LHFPL3: variants seen among roughly 807,000 people sequenced by gnomAD.
LHFPL3 encodes the protein LHFPL tetraspan subfamily member 3 protein.
LHFPL3 carries 5 observed loss-of-function variants against 19.3 expected under a neutral mutation model. That is an observed-to-expected ratio of 0.26 (90% CI 0.14 to 0.54). The LOEUF is 0.54. Ranked by LOEUF, LHFPL3 falls within the 20% of genes least tolerant of loss-of-function variation. LHFPL3 has a pLI of 0.94. For synonymous variants in LHFPL3, 133 were observed against 126.2 expected, an observed-to-expected ratio of 1.05 and a Z score of -0.36; for missense variants, 249 against 307.4, an observed-to-expected ratio of 0.81 and a Z score of 1.42.
At chr7:104,551,124 C>T (rs1794655715) in intron 1 of LHFPL3, among the ~76,000 whole-genome samples, 1 of 151,760 alleles carries the variant, frequency 6.6e-6, no homozygotes, top group African/African-American at 2.4e-5. Context: ...TGTACACACA[C>T]ACACACACAC....
intron 1 of LHFPL3, among the ~76,000 whole-genome samples, chr7:104,655,158 C>T (rs1792099415): frequency 6.6e-6 from 1 of 152,092 alleles, no homozygotes; most frequent in South Asian, 2.1e-4. Context: ...CTATGTTTTC[C>T]CTTGCAGTTT....
intron 1 of LHFPL3, among the ~76,000 whole-genome samples, chr7:104,504,931 G>T (rs772619607): frequency 2.6e-5 from 4 of 152,212 alleles, no homozygotes; most frequent in Non-Finnish European, 4.4e-5. Context: ...CTGGCCTGAT[G>T]AAATTTTTTT....
At chr7:104,815,611 G>C (rs764125575) in intron 2 of LHFPL3, among the ~76,000 whole-genome samples, 12 of 152,204 alleles carry the variant, frequency 7.9e-5, no homozygotes, top group Non-Finnish European at 1.5e-4. Flanking sequence ...AAGGGACAAA[G>C]AATTCTTCCA....
intron 1 of LHFPL3, among the ~76,000 whole-genome samples, chr7:104,333,469 A>G (rs945569086): frequency 6.6e-6 from 1 of 152,192 alleles, no homozygotes; most frequent in Non-Finnish European, 1.5e-5. Context: ...CCTCATCTGT[A>G]TCATTCTGAG....
In LHFPL3 at chr7:104,786,141, G is replaced by A. The variant is rs553086682; in HGVS notation, c.682+49230G>A. ...ACTTACCAAGGAGCCACACAGCTAT[G>A]ATGCAAACCATTTCATCTTTAAAAA... On this transcript the variant is annotated intron_variant, in intron 2 of 2. Transcript: ENST00000424859. Among the ~76,000 whole-genome samples the A allele has an allele frequency of 5.9e-5, 9 of 152,280 alleles. No homozygotes were observed. In the South Asian group the frequency reaches 1.9e-3, roughly 32 times the overall value.
intron 1 of LHFPL3, among the ~76,000 whole-genome samples, chr7:104,658,064 AT>A (rs992960067): frequency 1.3e-5 from 2 of 152,280 alleles, no homozygotes; most frequent in Non-Finnish European, 2.9e-5. Context: ...TTAGAAAAAA[AT>A]AATACATAAT....
chr7:104,463,966 G>A (rs199540603), intron 1 of LHFPL3, among the ~76,000 whole-genome samples: 9 of 152,102 alleles, frequency 5.9e-5, no homozygotes, highest in Admixed American at 4.6e-4. Flanking sequence ...AAAAGTCCAC[G>A]TCCAAAGTCT....
Position 104,596,130 on chromosome 7 carries a change from C to T in LHFPL3, c.446-140545C>T, listed in dbSNP as rs2385244. Among the ~76,000 whole-genome samples, 623 of 152,324 alleles carry T rather than the reference C, an allele frequency of 4.1e-3. 35 individuals are homozygous for T. In the East Asian group the frequency reaches 0.1, roughly 24 times the overall value. ...CTCAGTTGGAAATGCAGAAATCACC[C>T]GTCTTCCATGTTGATCACACTGGGA... On this transcript the variant is annotated intron_variant, in intron 1 of 2. Transcript: ENST00000424859.
At chr7:104,843,131 T>C (rs557442012) in intron 2 of LHFPL3, among the ~76,000 whole-genome samples, 4 of 152,294 alleles carry the variant, frequency 2.6e-5, no homozygotes, top group East Asian at 3.9e-4. Flanking sequence ...GTACTTGACA[T>C]AGTGAGAGGC....
At chr7:104,357,266 T>A (rs9641331) in intron 1 of LHFPL3, among the ~76,000 whole-genome samples, 23,426 of 152,118 alleles carry the variant, frequency 0.15, 1,942 homozygotes, top group Non-Finnish European at 0.18. Context: ...CAGATTATTC[T>A]CAGAGCTAGA....
chr7:104,690,434 G>A (rs777032491), intron 1 of LHFPL3, among the ~76,000 whole-genome samples: 7 of 152,178 alleles, frequency 4.6e-5, no homozygotes, highest in African/African-American at 7.2e-5. Flanking sequence ...AATCTTGTTC[G>A]CAAAGATCTT....
intron 1 of LHFPL3, among the ~76,000 whole-genome samples, chr7:104,515,672 G>A (rs1793906978): frequency 6.6e-6 from 1 of 152,152 alleles, no homozygotes; most frequent in Non-Finnish European, 1.5e-5. Context: ...CCAACTAGAA[G>A]AGTTTATTGG....
chr7:104,430,335 G>A (rs1791935042), intron 1 of LHFPL3, among the ~76,000 whole-genome samples: 1 of 125,282 alleles, frequency 8.0e-6, no homozygotes, highest in South Asian at 2.8e-4. Flanking sequence ...CAGGAACTCA[G>A]ATTAGTGTTT....
Position 104,328,634 on chromosome 7 carries a change from G to A in LHFPL3, c.-146G>A. The stretch of plus-strand genomic sequence containing the variant: ...CCGCCCTCCTTCCGGGAGCGAGGAT[G>A]CAGACTCTGAAACTGGTGCTGCTGG... On this transcript the variant is annotated 5_prime_UTR_variant, in exon 1 of 3. An upstream start codon of the reference 5' UTR is lost. Coordinates refer to ENST00000424859, the MANE Select transcript of LHFPL3 (RefSeq NM_199000.3). This position sits in a 1 kb window ranked among gnomAD's most constrained non-coding sequence, Gnocchi z 4.6. 1.4e-6 allele frequency: 1 copy of A among 709,536 alleles called. No homozygotes were observed. The highest frequency in any genetic ancestry group is 2.3e-6 in the Non-Finnish European group (1 of 429,194). The allele number at this position is 709,536 out of a possible 1,614,324, so 44.0% of individuals were successfully genotyped here.
At chr7:104,759,800 A>G (rs868465891) in intron 2 of LHFPL3, 18 of 152,372 alleles carry the variant, frequency 1.2e-4, no homozygotes, top group African/African-American at 3.8e-4. Flanking sequence ...GACTCACATC[A>G]TCTGACTTTC....
chr7:104,693,280 A>G (rs563959254), intron 1 of LHFPL3, among the ~76,000 whole-genome samples: 2 of 152,272 alleles, frequency 1.3e-5, no homozygotes, highest in East Asian at 3.9e-4. Flanking sequence ...AGATGAGACT[A>G]TGGACTTGGA....
intron 1 of LHFPL3, among the ~76,000 whole-genome samples, chr7:104,411,296 C>G (rs954067606): frequency 6.6e-6 from 1 of 152,208 alleles, no homozygotes; most frequent in African/African-American, 2.4e-5. Context: ...CAGATAACTA[C>G]AGTGCAATTG....
intron 1 of LHFPL3, among the ~76,000 whole-genome samples, chr7:104,596,452 G>T (rs1431139258): frequency 3.3e-5 from 5 of 152,182 alleles, no homozygotes; most frequent in East Asian, 1.9e-4. Context: ...ATTTATTGAT[G>T]GTTACAAGTC....
At chr7:104,333,234 G>A (rs1237660443) in intron 1 of LHFPL3, among the ~76,000 whole-genome samples, 1 of 152,142 alleles carries the variant, frequency 6.6e-6, no homozygotes, top group Non-Finnish European at 1.5e-5. Context: ...AAGCCCATGT[G>A]TTCACCATAT....
Sources: allele counts gnomAD v4.1 joint callset (sites outside exome capture counted in the v4.1 genomes callset), GRCh38; gene constraint gnomAD v4.1.1; non-coding constraint Gnocchi (gnomAD v3.1); transcripts MANE v1.5; gene names NCBI Gene and HGNC (gene_info 2026-07-23, HGNC 2026-07-21).